RNF38: variants seen among roughly 807,000 people sequenced by gnomAD.
RNF38 encodes the protein E3 ubiquitin-protein ligase RNF38.
In RNF38, 15 loss-of-function variants were observed where a neutral mutation model predicts 67.2. The observed-to-expected ratio is 0.22, with a 90% CI of 0.15 to 0.34. The LOEUF is 0.34. RNF38 is among the 10% of genes least tolerant of loss of function. The probability of loss-of-function intolerance (pLI) is 1.00; values close to 1 mark genes in which losing one functional copy is unlikely to be tolerated. For missense variants in RNF38, 524 were observed against 639.9 expected (o/e 0.82, Z 1.95); for synonymous variants, 220 against 218.8 (o/e 1.01, Z -0.05).
intron 1 of RNF38, among the ~76,000 whole-genome samples, chr9:36,430,068 A>G (rs1179232446): frequency 6.6e-6 from 1 of 151,728 alleles, no homozygotes; most frequent in Non-Finnish European, 1.5e-5. Flanking sequence ...CTCCTACCCT[A>G]CTCTCACCCA....
intron 1 of RNF38, among the ~76,000 whole-genome samples, chr9:36,430,330 C>T (rs779815945): frequency 5.9e-5 from 9 of 152,130 alleles, no homozygotes; most frequent in South Asian, 2.1e-4. Flanking sequence ...CCTCAGACTC[C>T]GGAGTAGCTG....
chr9:36,400,922 G>T (rs1467859052), upstream of RNF38: 17 of 879,192 alleles, frequency 1.9e-5, no homozygotes, highest in Admixed American at 8.5e-5. Flanking sequence ...GCGCCCCGCC[G>T]CACCCCGCCT....
intron 6 of RNF38, among the ~76,000 whole-genome samples, chr9:36,354,147 A>G (rs1833915408): frequency 6.6e-6 from 1 of 152,162 alleles, no homozygotes; most frequent in African/African-American, 2.4e-5. Flanking sequence ...CTGTATACCC[A>G]TTATCAGTCA....
chr9:36,463,228 G>A (rs1421271420), intron 1 of RNF38, among the ~76,000 whole-genome samples: 1 of 152,102 alleles, frequency 6.6e-6, no homozygotes, highest in Non-Finnish European at 1.5e-5. Context: ...ACCTGCTTTT[G>A]TTCACTACTG....
chr9:36,350,124 A>G (rs2133453801), intron 9 of RNF38, among the ~76,000 whole-genome samples: 1 of 152,258 alleles, frequency 6.6e-6, no homozygotes, highest in Non-Finnish European at 1.5e-5. Flanking sequence ...GCCTCCCAAC[A>G]CCATTTCTTA....
Position 36,376,099 on chromosome 9 carries a change from T to A in RNF38, c.191A>T (p.Gln64Leu), listed in dbSNP as rs759229091. The A allele has an allele frequency of 1.5e-5, 24 of 1,604,340 alleles. No homozygotes were observed. The highest frequency in any genetic ancestry group is 2.0e-5 in the Non-Finnish European group (23 of 1,176,850). The change falls in exon 3 of 12, where the codon CAG (glutamine) becomes CTG (leucine). Residue 64 changes from glutamine (Q) to leucine (L), a missense_variant. This residue lies in a region of RNF38 where 461 missense variants were observed against 517.4 expected (regional missense o/e 0.89). Coordinates refer to ENST00000259605, the MANE Select transcript of RNF38 (RefSeq NM_022781.5). ...ATCAAAGACTGAATGAGAGAGGCGC[T>A]GTCTCTTAGGACTTGGACTATCTTC... ...QSEDSPSPKR[Q>L]RLSHSVFDYT...
chr9:36,408,378 A>T (rs1442247967), intron 2 of RNF38, among the ~76,000 whole-genome samples: 1 of 151,852 alleles, frequency 6.6e-6, no homozygotes, highest in Non-Finnish European at 1.5e-5. Flanking sequence ...CTGGAGGGGA[A>T]TCAGTAGTTT....
chr9:36,341,304 T>C (rs1832808937), intron 11 of RNF38, among the ~76,000 whole-genome samples: 1 of 152,218 alleles, frequency 6.6e-6, no homozygotes, highest in African/African-American at 2.4e-5. Flanking sequence ...TAAGACTCTT[T>C]GTCTTCAGGA....
intron 1 of RNF38, among the ~76,000 whole-genome samples, chr9:36,473,094 T>C (rs1840034444): frequency 6.6e-6 from 1 of 151,214 alleles, no homozygotes; most frequent in Non-Finnish European, 1.5e-5. Flanking sequence ...ATCACGCCAT[T>C]GCACTCCAGC....
At chr9:36,395,292 T>C (rs1434912332) in intron 1 of RNF38, among the ~76,000 whole-genome samples, 7 of 152,158 alleles carry the variant, frequency 4.6e-5, no homozygotes. Flanking sequence ...CATTTAAAAT[T>C]GCTTCTGACA....
At chr9:36,380,890 T>A (rs539266050) in intron 2 of RNF38, among the ~76,000 whole-genome samples, 21 of 152,206 alleles carry the variant, frequency 1.4e-4, no homozygotes, top group Non-Finnish European at 2.8e-4. Flanking sequence ...ACCAAATTTG[T>A]ATTTTTGATG....
chr9:36,364,250 T>A (rs1834778847), intron 4 of RNF38, among the ~76,000 whole-genome samples: 1 of 152,162 alleles, frequency 6.6e-6, no homozygotes, highest in Non-Finnish European at 1.5e-5. Context: ...TGAAGACCTT[T>A]ATGATCAACT....
intron 1 of RNF38, among the ~76,000 whole-genome samples, chr9:36,477,658 T>A (rs1840151432): frequency 6.7e-6 from 1 of 149,846 alleles, no homozygotes; most frequent in African/African-American, 2.5e-5. Context: ...CCATCCCTAC[T>A]AAAAAATACA....
intron 2 of RNF38, among the ~76,000 whole-genome samples, chr9:36,420,050 G>T (rs1192057434): frequency 2.0e-5 from 3 of 152,176 alleles, no homozygotes; most frequent in Admixed American, 6.5e-5. Context: ...TTGAATGGGT[G>T]AAGTTAAAAT....
intron 3 of RNF38, among the ~76,000 whole-genome samples, chr9:36,373,950 CAAAGTGCTGGGAT>C (rs1041592406): frequency 5.3e-5 from 8 of 152,154 alleles, no homozygotes; most frequent in Non-Finnish European, 1.0e-4. Context: ...CTCGGCCTCC[CAAAGTGCTGGGAT>C]TACAGGTGCG....
intron 2 of RNF38, among the ~76,000 whole-genome samples, chr9:36,421,436 G>A (rs1838624370): frequency 6.6e-6 from 1 of 152,010 alleles, no homozygotes; most frequent in Non-Finnish European, 1.5e-5. Context: ...GGCTGAGGTG[G>A]GAGGATCACT....
At chr9:36,450,361 T>C (rs753938430) in intron 1 of RNF38, among the ~76,000 whole-genome samples, 10 of 152,136 alleles carry the variant, frequency 6.6e-5, no homozygotes, top group Non-Finnish European at 1.2e-4. Flanking sequence ...CTGCCCTAAA[T>C]TGGGAGGAAA....
At position 36,337,820 on chromosome 9, in the gene RNF38, G is replaced by C. The variant is rs1832560861; in HGVS notation, c.*1932C>G. On this transcript the variant is annotated 3_prime_UTR_variant, in exon 12 of 12. Coordinates refer to ENST00000259605, the MANE Select transcript of RNF38 (RefSeq NM_022781.5). ...CCATGTGCATTTTTACCACTATTTA[G>C]AAGTATTTCTGATGCACTGACAACC... 6.5e-6 allele frequency: 1 copy of C among 152,694 alleles called. No homozygotes were observed. Among genetic ancestry groups the C allele is most frequent in the African/African-American group, 2.4e-5 (1 of 41,546 alleles). 9.5% of individuals were successfully genotyped at this position (152,694 alleles called of 1,614,324 possible). A position where few individuals can be genotyped will look rare whatever the true frequency, so the allele number is the denominator to read the frequency against.
chr9:36,442,488 A>C (rs2134303345), intron 1 of RNF38, among the ~76,000 whole-genome samples: 1 of 152,314 alleles, frequency 6.6e-6, no homozygotes, highest in African/African-American at 2.4e-5. Context: ...TACATTAAAA[A>C]TTAAAGACAC....
Sources: gnomAD v4.1 joint callset for allele counts (sites outside exome capture counted in the v4.1 genomes callset) on GRCh38, gnomAD v4.1.1 for gene constraint, gnomAD v4.1.1 regional missense constraint, MANE v1.5 for transcripts, NCBI Gene and HGNC (gene_info 2026-07-23, HGNC 2026-07-21) for gene names.